Variants in CCDC88C observed in about 807,000 individuals in gnomAD.
The protein encoded by CCDC88C is coiled-coil and HOOK domain protein 88C, also known as protein Daple.
CCDC88C carries 131 observed loss-of-function variants against 198.8 expected under a neutral mutation model. The observed-to-expected ratio is 0.66, with a 90% CI of 0.57 to 0.76. CCDC88C has a LOEUF of 0.76. Ranked by LOEUF, CCDC88C falls within the 30% of genes least tolerant of loss-of-function variation. CCDC88C has a pLI of 0.00. For missense variants in CCDC88C, 2,553 were observed against 2,631.6 expected (o/e 0.97, Z 0.65); for synonymous variants, 1,166 against 1,114.7 (o/e 1.05, Z -0.92).
intron 18 of CCDC88C, 63 bp from the exon 19 acceptor site, chr14:91,305,989 G>C (rs1456245698): frequency 2.1e-5 from 33 of 1,552,392 alleles, no homozygotes; most frequent in Non-Finnish European, 2.8e-5. Context: ...CTGGCCACAG[G>C]TACTTGGGTT....
At chr14:91,289,394 AG>A in intron 24 of CCDC88C, 51 bp from the exon 25 acceptor site, 1 of 1,489,972 alleles carries the variant, frequency 6.7e-7, no homozygotes, top group Non-Finnish European at 9.4e-7. Flanking sequence ...ACACACCCCC[AG>A]TGGGTCCCTG....
chr14:91,286,785 G>A lies in CCDC88C; in HGVS notation c.4441+2320C>T, dbSNP rs530265738. On this transcript the variant is annotated intron_variant, in intron 25 of 29. Transcript: ENST00000389857. ...CAGTCCATGCAGTTAAGTGCATGCA[G>A]TTAAGAGCTCAGGCTCCGGAGTGCG... Among the ~76,000 whole-genome samples the A allele has an allele frequency of 2.0e-5, 3 of 152,354 alleles. No individual in the cohort carries two copies. The South Asian group carries it at 6.2e-4, about 32-fold the overall frequency.
chr14:91,336,858 T>A (rs2139854000), intron 10 of CCDC88C, among the ~76,000 whole-genome samples: 1 of 152,200 alleles, frequency 6.6e-6, no homozygotes, highest in East Asian at 1.9e-4. Flanking sequence ...CACGTAGAGA[T>A]CCTGGGCTCA....
At position 91,342,470 on chromosome 14, in the gene CCDC88C, AG is replaced by A; in HGVS notation, c.400-8del. The A allele has an allele frequency of 6.4e-7, 1 of 1,565,480 alleles. No homozygotes were observed. Among genetic ancestry groups the A allele is most frequent in the South Asian group, 1.2e-5 (1 of 85,848 alleles). On this transcript the variant is annotated splice_polypyrimidine_tract_variant and splice_region_variant and intron_variant, in intron 5 of 29. Transcript: ENST00000389857. ...ACTCCTCTTTCCTCTCACACTGCGG[AG>A]GGTTACATGTGTTAATGGAAGCGCT...
intron 1 of CCDC88C, chr14:91,417,188 G>A: frequency 2.8e-6 from 2 of 702,982 alleles, no homozygotes; most frequent in East Asian, 2.7e-5. Flanking sequence ...CCCATTCGGC[G>A]CCCCCCATTC....
intron 4 of CCDC88C, among the ~76,000 whole-genome samples, chr14:91,345,190 A>ATATATATATTTTTTTTTTT (rs1246878587): frequency 3.8e-5 from 2 of 52,200 alleles, no homozygotes; most frequent in Non-Finnish European, 6.8e-5. Context: ...ATATATATAT[A>ATATATATATTTTTTTTTTT]TTTTTTTTTT....
chr14:91,396,441 A>G (rs1596156669), intron 3 of CCDC88C, among the ~76,000 whole-genome samples: 1 of 152,244 alleles, frequency 6.6e-6, no homozygotes, highest in East Asian at 1.9e-4. Flanking sequence ...CCATAAAGTG[A>G]GCTGTGTTTC....
At chr14:91,279,585 G>A (rs1402830722) in intron 27 of CCDC88C, 2 of 303,518 alleles carry the variant, frequency 6.6e-6, no homozygotes, top group Non-Finnish European at 1.2e-5. Context: ...CTTCACAAAG[G>A]AAATCTCACA....
chr14:91,301,562 C>T (rs1891284742), intron 20 of CCDC88C, among the ~76,000 whole-genome samples: 1 of 152,116 alleles, frequency 6.6e-6, no homozygotes, highest in Non-Finnish European at 1.5e-5. Flanking sequence ...CTAAAAAATA[C>T]AAAAATTAGC....
intron 4 of CCDC88C, among the ~76,000 whole-genome samples, chr14:91,349,904 T>C (rs530521490): frequency 1.3e-5 from 2 of 152,348 alleles, no homozygotes; most frequent in South Asian, 2.1e-4. Flanking sequence ...GTGCATTATA[T>C]CAAGGTTTGA....
At chr14:91,396,903 G>A (rs1885877751) in intron 3 of CCDC88C, among the ~76,000 whole-genome samples, 1 of 152,164 alleles carries the variant, frequency 6.6e-6, no homozygotes, top group Admixed American at 6.5e-5. Flanking sequence ...GGGGGGCTGA[G>A]GCAGGAGGAT....
At chr14:91,308,609 G>T in intron 16 of CCDC88C, 117 bp from the exon 17 acceptor site, 1 of 1,104,160 alleles carries the variant, frequency 9.1e-7, no homozygotes, top group Non-Finnish European at 1.3e-6. Context: ...AGCTGCTGCA[G>T]CTTTTGGCCC....
intron 26 of CCDC88C, among the ~76,000 whole-genome samples, chr14:91,282,000 C>T (rs1890219202): frequency 6.6e-6 from 1 of 152,340 alleles, no homozygotes; most frequent in East Asian, 1.9e-4. Context: ...CTTGCACTAA[C>T]AGCTCCTGAC....
At chr14:91,328,184 A>G (rs1374973314) in intron 10 of CCDC88C, among the ~76,000 whole-genome samples, 1 of 152,230 alleles carries the variant, frequency 6.6e-6, no homozygotes, top group Non-Finnish European at 1.5e-5. Context: ...ATGAATGGAG[A>G]TGGCCAGGAG....
chr14:91,376,299 C>T (rs891510335), intron 3 of CCDC88C, among the ~76,000 whole-genome samples: 2 of 152,184 alleles, frequency 1.3e-5, no homozygotes, highest in African/African-American at 2.4e-5. Context: ...TGACCTTGGT[C>T]GCCATCTTCT....
chr14:91,299,887 T>G (rs1309486451), intron 21 of CCDC88C, 40 bp downstream of exon 21: 2 of 1,541,378 alleles, frequency 1.3e-6, no homozygotes, highest in Admixed American at 3.9e-5. Context: ...GAACAGAATC[T>G]GGGGTGCTGC....
At chr14:91,416,521 C>A (rs933649018) in intron 2 of CCDC88C, among the ~76,000 whole-genome samples, 3 of 152,116 alleles carry the variant, frequency 2.0e-5, no homozygotes, top group Non-Finnish European at 2.9e-5. Flanking sequence ...TTCCAAATTT[C>A]CTTCATCAAA....
intron 4 of CCDC88C, among the ~76,000 whole-genome samples, chr14:91,353,264 C>T (rs879506076): frequency 3.9e-5 from 6 of 152,278 alleles, no homozygotes; most frequent in Non-Finnish European, 4.4e-5. Flanking sequence ...CACCTTTCCT[C>T]GCTTTCTCTG....
At chr14:91,334,888 T>G (rs1332062852) in intron 10 of CCDC88C, among the ~76,000 whole-genome samples, 4 of 152,130 alleles carry the variant, frequency 2.6e-5, no homozygotes, top group Non-Finnish European at 5.9e-5. Context: ...TCCAGGCCTC[T>G]GAGCTGCATT....
Sources: gnomAD v4.1 joint callset for allele counts (sites outside exome capture counted in the v4.1 genomes callset) on GRCh38, gnomAD v4.1.1 for gene constraint, MANE v1.5 for transcripts, NCBI Gene and HGNC (gene_info 2026-07-23, HGNC 2026-07-21) for gene names.